Variants in ITGBL1 observed in about 807,000 individuals in gnomAD.
ITGBL1 encodes integrin beta-like protein 1.
Under a neutral mutation model 68.5 loss-of-function variants are expected in ITGBL1, and 51 were observed. The observed-to-expected ratio is 0.74, with a 90% CI of 0.59 to 0.94. The LOEUF (loss-of-function observed/expected upper bound fraction) is 0.94. Among genes scored for constraint, ITGBL1 ranks in the 40% least tolerant of loss-of-function variants. ITGBL1 has a pLI of 0.00. For synonymous variants in ITGBL1, 209 were observed against 227.3 expected (o/e 0.92, Z 0.72); for missense variants, 649 against 647.4 (o/e 1.00, Z -0.03).
intron 9 of ITGBL1, chr13:101,713,589 C>A (rs2034579527): frequency 6.6e-6 from 1 of 151,990 alleles, no homozygotes; most frequent in Non-Finnish European, 1.5e-5. Flanking sequence ...GCAGTTTTTC[C>A]ATGTAAGGGT....
intron 6 of ITGBL1, among the ~76,000 whole-genome samples, chr13:101,594,512 T>C (rs1476895043): frequency 6.6e-6 from 1 of 150,598 alleles, no homozygotes; most frequent in Non-Finnish European, 1.5e-5. Context: ...CTCCATGCCA[T>C]TGGTCTTAGC....
chr13:101,472,075 A>T (rs2048469192), intron 2 of ITGBL1, among the ~76,000 whole-genome samples: 1 of 152,218 alleles, frequency 6.6e-6, no homozygotes, highest in Non-Finnish European at 1.5e-5. Flanking sequence ...TAGGGAATTC[A>T]TTTTTATGAG....
intron 7 of ITGBL1, among the ~76,000 whole-genome samples, chr13:101,618,866 T>C (rs1489282496): frequency 6.6e-6 from 1 of 152,108 alleles, no homozygotes; most frequent in East Asian, 1.9e-4. Flanking sequence ...AAAAAAAATA[T>C]TCAGGGGGAA....
intron 2 of ITGBL1, among the ~76,000 whole-genome samples, chr13:101,556,780 T>C (rs2139225478): frequency 6.6e-6 from 1 of 152,208 alleles, no homozygotes; most frequent in Non-Finnish European, 1.5e-5. Flanking sequence ...GAAGCCAAAA[T>C]AAGGCAATGA....
chr13:101,619,355 C>T (rs1006594559), intron 7 of ITGBL1, among the ~76,000 whole-genome samples: 1 of 151,578 alleles, frequency 6.6e-6, no homozygotes, highest in African/African-American at 2.4e-5. Context: ...AGGGCCCTTA[C>T]AAGTGGACAT....
At chr13:101,600,117 C>T (rs2030267736) in intron 7 of ITGBL1, among the ~76,000 whole-genome samples, 1 of 152,124 alleles carries the variant, frequency 6.6e-6, no homozygotes. Flanking sequence ...TTTCATTGAG[C>T]AGTGGTTTGT....
chr13:101,580,573 A>G (rs1293597807), intron 5 of ITGBL1, among the ~76,000 whole-genome samples: 2 of 152,104 alleles, frequency 1.3e-5, no homozygotes, highest in African/African-American at 4.8e-5. Context: ...ATATCTCCTA[A>G]TGCTTCCCCT....
At chr13:101,551,731 A>C (rs914512008) in intron 2 of ITGBL1, among the ~76,000 whole-genome samples, 1 of 152,218 alleles carries the variant, frequency 6.6e-6, no homozygotes, top group African/African-American at 2.4e-5. Context: ...CAGAAGATTA[A>C]CATATGCTTA....
intron 6 of ITGBL1, among the ~76,000 whole-genome samples, chr13:101,585,500 A>G (rs1243307399): frequency 2.0e-5 from 3 of 152,024 alleles, no homozygotes; most frequent in Non-Finnish European, 4.4e-5. Context: ...GCATGATCTC[A>G]GCTCACTGCG....
chr13:101,668,242 G>A (rs918153979), intron 7 of ITGBL1, among the ~76,000 whole-genome samples: 2 of 152,060 alleles, frequency 1.3e-5, no homozygotes, highest in Non-Finnish European at 2.9e-5. Context: ...ACAAAAATTA[G>A]CCAAGCATGG....
chr13:101,546,439 C>G (rs1566725919), intron 2 of ITGBL1, among the ~76,000 whole-genome samples: 1 of 151,000 alleles, frequency 6.6e-6, no homozygotes, highest in Non-Finnish European at 1.5e-5. Flanking sequence ...TTTAAGGGTC[C>G]AAAATCGAAG....
At chr13:101,630,147 A>G (rs1375890394) in intron 7 of ITGBL1, among the ~76,000 whole-genome samples, 2 of 152,162 alleles carry the variant, frequency 1.3e-5, no homozygotes, top group African/African-American at 2.4e-5. Context: ...TTAAAATTTC[A>G]AAGTAAATTT....
intron 2 of ITGBL1, among the ~76,000 whole-genome samples, chr13:101,523,588 T>A (rs1369970981): frequency 6.6e-6 from 1 of 152,182 alleles, no homozygotes; most frequent in East Asian, 1.9e-4. Context: ...AACTTGTTAT[T>A]AGAGCAGATG....
At chr13:101,512,066 G>A (rs973760120) in intron 2 of ITGBL1, among the ~76,000 whole-genome samples, 1 of 152,090 alleles carries the variant, frequency 6.6e-6, no homozygotes, top group African/African-American at 2.4e-5. Context: ...AATAGTAGCA[G>A]TTACTCCTGT....
intron 2 of ITGBL1, among the ~76,000 whole-genome samples, chr13:101,529,908 G>A (rs1276796967): frequency 6.6e-6 from 1 of 152,014 alleles, no homozygotes; most frequent in African/African-American, 2.4e-5. Context: ...GTGTGAAAAC[G>A]AACTAATTCA....
intron 7 of ITGBL1, among the ~76,000 whole-genome samples, chr13:101,606,467 T>G (rs1182108127): frequency 6.6e-6 from 1 of 151,820 alleles, no homozygotes; most frequent in Non-Finnish European, 1.5e-5. Flanking sequence ...GGGAAAACAC[T>G]TTCTCTAGTC....
At chr13:101,536,705 A>AAAGACTTCTGAGTAAATTGATGC (rs2049583135) in intron 2 of ITGBL1, among the ~76,000 whole-genome samples, 3 of 152,100 alleles carry the variant, frequency 2.0e-5, no homozygotes, top group East Asian at 1.9e-4. Flanking sequence ...TCTGCCTCAT[A>AAAGACTTCTGAGTAAATTGATGC]AAGACTTCTG....
chr13:101,542,094 C>G (rs1021751548), intron 2 of ITGBL1, among the ~76,000 whole-genome samples: 1 of 152,116 alleles, frequency 6.6e-6, no homozygotes, highest in East Asian at 1.9e-4. Flanking sequence ...TTGCCTTCTG[C>G]TAGCTTTTGA....
At chr13:101,479,231 G>T (rs1365819279) in intron 2 of ITGBL1, among the ~76,000 whole-genome samples, 1 of 152,018 alleles carries the variant, frequency 6.6e-6, no homozygotes, top group African/African-American at 2.4e-5. Flanking sequence ...TTCAATAAAT[G>T]GCTCTGGGAA....
Sources: gnomAD v4.1 joint callset for allele counts (sites outside exome capture counted in the v4.1 genomes callset) on GRCh38, gnomAD v4.1.1 for gene constraint, MANE v1.5 for transcripts, NCBI Gene and HGNC (gene_info 2026-07-23, HGNC 2026-07-21) for gene names.